The following GPC5 variants were observed in gnomAD, a reference collection of about 807,000 sequenced individuals.
The protein encoded by GPC5 is glypican-5.
In GPC5, 47 loss-of-function variants were observed where a neutral mutation model predicts 53.9. That is an observed-to-expected ratio of 0.87 (90% confidence interval 0.69 to 1.11). GPC5 has a LOEUF of 1.11. GPC5 is among the 50% of genes most tolerant of loss of function. The pLI, the probability that GPC5 is intolerant of heterozygous loss-of-function variation, is 0.00. For synonymous variants in GPC5, 286 were observed against 263.3 expected (o/e 1.09, Z -0.84); for missense variants, 748 against 713.1 (o/e 1.05, Z -0.56).
chr13:91,583,646 A>G (rs147474796), intron 2 of GPC5, among the ~76,000 whole-genome samples: 2 of 152,286 alleles, frequency 1.3e-5, no homozygotes, highest in South Asian at 2.1e-4. Flanking sequence ...TTCAAAATGT[A>G]TATGTTAATG....
At chr13:91,942,558 A>G (rs1191446950) in intron 6 of GPC5, among the ~76,000 whole-genome samples, 1 of 152,078 alleles carries the variant, frequency 6.6e-6, no homozygotes, top group Non-Finnish European at 1.5e-5. Flanking sequence ...ATAAAAACTC[A>G]GCTCATTTTT....
chr13:92,204,069 A>G (rs144814360), intron 7 of GPC5, among the ~76,000 whole-genome samples: 78 of 152,336 alleles, frequency 5.1e-4, no homozygotes, highest in Non-Finnish European at 9.1e-4. Flanking sequence ...TCTTTCCAGT[A>G]TGAAAGGAAA....
intron 7 of GPC5, among the ~76,000 whole-genome samples, chr13:92,275,576 T>G (rs1358281198): frequency 6.7e-6 from 1 of 148,256 alleles, no homozygotes; most frequent in Non-Finnish European, 1.5e-5. Context: ...CATTCTGTTT[T>G]ATTTGTGATT....
chr13:92,524,891 A>T (rs1881214124), intron 7 of GPC5, among the ~76,000 whole-genome samples: 1 of 152,138 alleles, frequency 6.6e-6, no homozygotes, highest in Non-Finnish European at 1.5e-5. Flanking sequence ...CAAGATATGG[A>T]GATGCGTAGG....
At chr13:92,185,439 C>T (rs2139040847) in intron 7 of GPC5, among the ~76,000 whole-genome samples, 2 of 152,196 alleles carry the variant, frequency 1.3e-5, no homozygotes, top group Middle Eastern at 6.8e-3. Flanking sequence ...ATGGGCAATG[C>T]CTCAGTTCTC....
intron 2 of GPC5, among the ~76,000 whole-genome samples, chr13:91,654,533 AAC>A (rs909999378): frequency 2.0e-5 from 3 of 152,186 alleles, no homozygotes; most frequent in African/African-American, 7.2e-5. Flanking sequence ...GAAATATTAA[AAC>A]ACATACATAT....
intron 7 of GPC5, among the ~76,000 whole-genome samples, chr13:92,838,284 A>C (rs1878290133): frequency 6.6e-6 from 1 of 151,766 alleles, no homozygotes; most frequent in African/African-American, 2.4e-5. Flanking sequence ...GGAGATCGAA[A>C]CCATCCTGGC....
intron 6 of GPC5, among the ~76,000 whole-genome samples, chr13:92,138,926 A>T (rs1195947827): frequency 2.0e-5 from 3 of 152,176 alleles, no homozygotes; most frequent in Non-Finnish European, 1.5e-5. Flanking sequence ...GGAAAAAAAA[A>T]ATAACAGACT....
chr13:92,796,968 C>T (rs914116477), intron 7 of GPC5, among the ~76,000 whole-genome samples: 4 of 151,848 alleles, frequency 2.6e-5, no homozygotes, highest in Non-Finnish European at 4.4e-5. Flanking sequence ...CTGGCTTCTT[C>T]GAAAAGCACA....
intron 6 of GPC5, among the ~76,000 whole-genome samples, chr13:92,028,478 C>T (rs1171788437): frequency 6.6e-6 from 1 of 152,022 alleles, no homozygotes; most frequent in African/African-American, 2.4e-5. Context: ...TTTCAGGTGA[C>T]CGTCTCCCAA....
At chr13:92,745,656 C>T (rs1205997184) in intron 7 of GPC5, among the ~76,000 whole-genome samples, 4 of 152,034 alleles carry the variant, frequency 2.6e-5, no homozygotes, top group Non-Finnish European at 5.9e-5. Flanking sequence ...TTATTCACTT[C>T]ATTGATCATG....
At chr13:92,203,493 C>G (rs865836805) in intron 7 of GPC5, among the ~76,000 whole-genome samples, 11 of 77,096 alleles carry the variant, frequency 1.4e-4, no homozygotes, top group Non-Finnish European at 2.2e-4. Flanking sequence ...GTGGTGGGGT[C>G]GGGGGAGGGG....
chr13:92,298,501 G>A (rs941731091), intron 7 of GPC5, among the ~76,000 whole-genome samples: 5 of 152,148 alleles, frequency 3.3e-5, no homozygotes, highest in Admixed American at 6.5e-5. Flanking sequence ...GGATTTTCCC[G>A]CTGCTTCCTC....
At position 92,596,439 on chromosome 13, in the gene GPC5, T is replaced by C. The variant is rs1883883554; in HGVS notation, c.1562-269843T>C. The stretch of plus-strand genomic sequence containing the variant: ...TATACATTTATACAAGGTTTATATA[T>C]ATACATATATGTGTATATATATTCA... On this transcript the variant is annotated intron_variant, in intron 7 of 7. Coordinates refer to ENST00000377067, the MANE Select transcript of GPC5 (RefSeq NM_004466.6). Among the ~76,000 whole-genome samples the C allele has an allele frequency of 2.6e-5, 4 of 152,022 alleles. No homozygotes were observed. In the South Asian group the frequency reaches 8.3e-4, roughly 31 times the overall value.
intron 7 of GPC5, among the ~76,000 whole-genome samples, chr13:92,670,773 TTTTC>T (rs1410774126): frequency 1.3e-5 from 2 of 152,142 alleles, no homozygotes; most frequent in Non-Finnish European, 2.9e-5. Context: ...CCTTTAGCCT[TTTTC>T]TTTTTCTAAG....
At chr13:92,371,833 A>C (rs2043652880) in intron 7 of GPC5, among the ~76,000 whole-genome samples, 1 of 152,170 alleles carries the variant, frequency 6.6e-6, no homozygotes, top group Admixed American at 6.5e-5. Flanking sequence ...GGGGACAAAA[A>C]TCCTAACCAT....
intron 1 of GPC5, among the ~76,000 whole-genome samples, chr13:91,409,483 A>G (rs76619452): frequency 0.023 from 3,493 of 152,312 alleles, 150 homozygotes; most frequent in African/African-American, 0.078. Flanking sequence ...GAAGCACACA[A>G]AAAACTTCAG....
At chr13:92,527,146 AAGAAAGAAAGAAAGAAAGAAAGAAAG>A (rs1881330012) in intron 7 of GPC5, among the ~76,000 whole-genome samples, 3 of 127,544 alleles carry the variant, frequency 2.4e-5, no homozygotes, top group Admixed American at 8.3e-5. Context: ...GAAAGAAAGA[AAGAAAGAAAGAAAGAAAGAAAGAAAG>A]AGAAAGAAAG....
chr13:92,334,432 T>G (rs1253130910), intron 7 of GPC5, among the ~76,000 whole-genome samples: 1 of 152,122 alleles, frequency 6.6e-6, no homozygotes, highest in Non-Finnish European at 1.5e-5. Flanking sequence ...AGCTACAATC[T>G]AAGATGAGAT....
Sources: allele counts gnomAD v4.1 joint callset (sites outside exome capture counted in the v4.1 genomes callset), GRCh38; gene constraint gnomAD v4.1.1; transcripts MANE v1.5; gene names NCBI Gene and HGNC (gene_info 2026-07-23, HGNC 2026-07-21).